Variants in CNNM4 observed in about 807,000 individuals in gnomAD.
CNNM4 encodes cyclin and CBS domain divalent metal cation transport mediator 4, also known as metal transporter CNNM4.
In CNNM4, 32 loss-of-function variants were observed where a neutral mutation model predicts 53.7. The observed-to-expected ratio is 0.60, with a 90% CI of 0.45 to 0.80. The LOEUF is 0.80. Among genes scored for constraint, CNNM4 ranks in the 30% least tolerant of loss-of-function variants. The pLI, the probability that CNNM4 is intolerant of heterozygous loss-of-function variation, is 0.00. For missense variants in CNNM4, 784 were observed against 1,022.0 expected (o/e 0.77, Z 3.17); for synonymous variants, 410 against 440.0 (o/e 0.93, Z 0.85).
chr2:96,802,743 C>G (rs1423797930), intron 5 of CNNM4, among the ~76,000 whole-genome samples: 1 of 152,190 alleles, frequency 6.6e-6, no homozygotes, highest in Admixed American at 6.5e-5. Flanking sequence ...GTGTTCCAAC[C>G]AGAAAGTCTT....
chr2:96,761,809 G>A lies in CNNM4; in HGVS notation c.810G>A (p.Met270Ile), dbSNP rs559372337. Reference protein sequence around the residue: ...LLDNLIGSGLMAVASSTIGIV... With the variant: ...LLDNLIGSGLIAVASSTIGIV... ...ACAACCTCATCGGGTCCGGCCTCAT[G>A]GCGGTGGCCTCCTCCACCATTGGCA... The change falls in exon 1 of 7, where the codon ATG becomes ATA. Residue 270 changes from methionine (M) to isoleucine (I), a missense_variant. Met to Ile is a conservative substitution (Grantham distance 10). Coordinates refer to ENST00000377075, the MANE Select transcript of CNNM4 (RefSeq NM_020184.4). This position sits in a 1 kb window ranked among gnomAD's most constrained non-coding sequence, Gnocchi z 6.0. The A allele has an allele frequency of 6.2e-7, 1 of 1,613,928 alleles. No individual in the cohort carries two copies. The highest frequency in any genetic ancestry group is 8.5e-7 in the Non-Finnish European group (1 of 1,180,032).
At chr2:96,799,271 C>T in intron 4 of CNNM4, 45 bp downstream of exon 4, 2 of 1,608,758 alleles carry the variant, frequency 1.2e-6, no homozygotes, top group Non-Finnish European at 1.7e-6. Flanking sequence ...CCCCCTGGCA[C>T]TGCAGCAACC....
chr2:96,769,759 G>T (rs925228687), intron 1 of CNNM4, among the ~76,000 whole-genome samples: 1 of 151,562 alleles, frequency 6.6e-6, no homozygotes, highest in Non-Finnish European at 1.5e-5. Context: ...AGGCTGTGGG[G>T]TGCCCAGCGA....
Position 96,799,175 on chromosome 2 carries a change from T to A in CNNM4, c.1800T>A (p.His600Gln), listed in dbSNP as rs1410762925. Residue 600 changes from histidine (H) to glutamine (Q), a missense_variant, in exon 4 of 7, where the codon CAT (histidine) becomes CAA (glutamine). His to Gln is a conservative substitution (Grantham distance 24). Around this residue, in one of 3 missense-constraint regions of CNNM4, gnomAD observed 307 missense variants for 376.3 expected, o/e 0.82. Coordinates refer to ENST00000377075, the MANE Select transcript of CNNM4 (RefSeq NM_020184.4). ...AGCACAATAAGTACTACGCCCGCCA[T>A]TACCTGTACACCCGAAATAAGCCGG... ...FDEHNKYYAR[H>Q]YLYTRNKPAD... The A allele has an allele frequency of 6.2e-7, 1 of 1,614,016 alleles. No homozygotes were observed. The highest frequency in any genetic ancestry group is 8.5e-7 in the Non-Finnish European group (1 of 1,180,020).
At chr2:96,785,439 C>A (rs1245950734) in intron 1 of CNNM4, among the ~76,000 whole-genome samples, 1 of 151,142 alleles carries the variant, frequency 6.6e-6, no homozygotes, top group Admixed American at 6.6e-5. Flanking sequence ...GAGTTTGAGA[C>A]CAACCTGGGC....
At chr2:96,765,044 T>G (rs996385119) in intron 1 of CNNM4, among the ~76,000 whole-genome samples, 7 of 118,700 alleles carry the variant, frequency 5.9e-5, no homozygotes, top group African/African-American at 1.7e-4. Flanking sequence ...TTTTTTTTTT[T>G]TTTTTTTTTT....
intron 1 of CNNM4, among the ~76,000 whole-genome samples, chr2:96,795,789 C>T (rs2079098168): frequency 6.6e-6 from 1 of 152,148 alleles, no homozygotes; most frequent in South Asian, 2.1e-4. Context: ...ACCTGTGTTC[C>T]TGCGAGTGGG....
In CNNM4 at chr2:96,799,604, C is replaced by A; in HGVS notation, c.1904C>A (p.Ala635Asp). Residue 635 changes from alanine to aspartate, a missense_variant, in exon 5 of 7, where the codon GCC (alanine) becomes GAC (aspartate). Physicochemically the swap from Ala to Asp is moderately radical, Grantham distance 126. Transcript: ENST00000377075. ...GAGAACATGAAGTTTGAGACGGGCG[C>A]CTTCTCCTACTATGGGACTATGGCC... ...GKENMKFETG[A>D]FSYYGTMALT... The A allele has an allele frequency of 6.4e-7, 1 of 1,554,286 alleles. No homozygotes were observed. Among genetic ancestry groups the A allele is most frequent in the Non-Finnish European group, 8.7e-7 (1 of 1,148,328 alleles).
chr2:96,802,167 C>T (rs2079165824), intron 5 of CNNM4, among the ~76,000 whole-genome samples: 2 of 151,704 alleles, frequency 1.3e-5, no homozygotes, highest in African/African-American at 4.8e-5. Flanking sequence ...CAGATACACC[C>T]ATAGACACAC....
intron 1 of CNNM4, 121 bp from the exon 2 acceptor site, chr2:96,796,891 A>G: frequency 1.0e-6 from 1 of 1,004,972 alleles, no homozygotes; most frequent in Non-Finnish European, 1.5e-6. Flanking sequence ...TGGAAAAGAT[A>G]AAAACCACCA....
At chr2:96,791,872 A>G (rs1487593881) in intron 1 of CNNM4, among the ~76,000 whole-genome samples, 6 of 151,924 alleles carry the variant, frequency 3.9e-5, no homozygotes, top group African/African-American at 1.2e-4. Flanking sequence ...TTCATAATCA[A>G]TAGTATTAAT....
Position 96,801,245 on chromosome 2 carries a change from C to A in CNNM4, c.1948+1597C>A. 1 of 514,462 alleles carries A rather than the reference C, an allele frequency of 1.9e-6. No individual in the cohort carries two copies. Among genetic ancestry groups the A allele is most frequent in the Non-Finnish European group, 2.5e-6 (1 of 399,224 alleles). The allele number at this position is 514,462 out of a possible 1,614,324, so 31.9% of individuals were successfully genotyped here. A position where few individuals can be genotyped will look rare whatever the true frequency, so the allele number is the denominator to read the frequency against. The stretch of plus-strand genomic sequence containing the variant: ...GGACCCCCGCCTGCTCAATGTGGGC[C>A]GCCAGACCTCAGTGGCTCTGCTTGG... On this transcript the variant is annotated intron_variant, in intron 5 of 6. Coordinates refer to ENST00000377075, the MANE Select transcript of CNNM4 (RefSeq NM_020184.4). The surrounding 1 kb of genome is among the most constrained non-coding windows in gnomAD (Gnocchi z 5.6).
At chr2:96,765,388 A>C (rs1257856911) in intron 1 of CNNM4, among the ~76,000 whole-genome samples, 1 of 151,770 alleles carries the variant, frequency 6.6e-6, no homozygotes, top group East Asian at 2.0e-4. Context: ...GGCCTCCCAA[A>C]GTGCTGGGAT....
Position 96,774,960 on chromosome 2 carries a change from C to CAAAAAAA in CNNM4, c.1402+12591_1402+12597dup. Among the ~76,000 whole-genome samples, 16 of 17,692 alleles carry CAAAAAAA rather than the reference C, an allele frequency of 9.0e-4. 1 individual carries two copies. The highest frequency in any genetic ancestry group is 1.4e-3 in the Non-Finnish European group (12 of 8,400). The allele number at this position is 17,692 out of a possible 152,430, so 11.6% of individuals were successfully genotyped here. On this transcript the variant is annotated intron_variant, in intron 1 of 6. Coordinates refer to ENST00000377075, the MANE Select transcript of CNNM4 (RefSeq NM_020184.4). Reference sequence around the variant, plus strand: ...TGGGAGACAGAGTGAGACTCCATCTCAAAAAAAAAAAAAAAAAAAAAAAAA... The same window carrying CAAAAAAA: ...TGGGAGACAGAGTGAGACTCCATCTCAAAAAAAAAAAAAAAAAAAAAAAAAAAAAAAA...
intron 1 of CNNM4, among the ~76,000 whole-genome samples, chr2:96,777,316 G>T (rs991324341): frequency 1.3e-5 from 2 of 152,150 alleles, no homozygotes; most frequent in African/African-American, 4.8e-5. Context: ...ACTGCGCCCG[G>T]CCTGTTGCCT....
At chr2:96,782,009 A>G (rs953812049) in intron 1 of CNNM4, among the ~76,000 whole-genome samples, 2 of 152,014 alleles carry the variant, frequency 1.3e-5, no homozygotes, top group African/African-American at 4.8e-5. Flanking sequence ...TGAATAACCT[A>G]TTTTCTTTAT....
Position 96,761,274 on chromosome 2 carries a change from C to T in CNNM4, c.275C>T (p.Ser92Phe). Residue 92 changes from serine to phenylalanine, a missense_variant, in exon 1 of 7, where the codon TCC becomes TTC. Physicochemically the swap from Ser to Phe is radical, Grantham distance 155. Coordinates refer to ENST00000377075, the MANE Select transcript of CNNM4 (RefSeq NM_020184.4). This position sits in a 1 kb window ranked among gnomAD's most constrained non-coding sequence, Gnocchi z 6.0. Reference protein sequence around the residue: ...SLGNISSNLISFTEVDDAETL... With the variant: ...SLGNISSNLIFFTEVDDAETL... Reference sequence around the variant, plus strand: ...GGCAACATCTCCAGCAACCTGATCTCCTTCACCGAGGTGGACGATGCCGAG... The same window carrying T: ...GGCAACATCTCCAGCAACCTGATCTTCTTCACCGAGGTGGACGATGCCGAG... The T allele has an allele frequency of 6.2e-7, 1 of 1,613,998 alleles. No individual in the cohort carries two copies. Among genetic ancestry groups the T allele is most frequent in the Non-Finnish European group, 8.5e-7 (1 of 1,179,960 alleles).
chr2:96,770,571 T>G (rs990448182), intron 1 of CNNM4, among the ~76,000 whole-genome samples: 1 of 152,180 alleles, frequency 6.6e-6, no homozygotes, highest in African/African-American at 2.4e-5. Context: ...TCGCAGCAGC[T>G]TTGGGGGTGT....
At chr2:96,789,136 G>A (rs1234555154) in intron 1 of CNNM4, among the ~76,000 whole-genome samples, 1 of 152,140 alleles carries the variant, frequency 6.6e-6, no homozygotes, top group Non-Finnish European at 1.5e-5. Flanking sequence ...GGCGAGGAGC[G>A]AGGGCACTAC....
Sources: gnomAD v4.1 joint callset for allele counts (sites outside exome capture counted in the v4.1 genomes callset) on GRCh38, gnomAD v4.1.1 for gene constraint, gnomAD v4.1.1 regional missense constraint, Gnocchi (gnomAD v3.1) non-coding constraint, MANE v1.5 for transcripts, NCBI Gene and HGNC (gene_info 2026-07-23, HGNC 2026-07-21) for gene names.